SLC24A2: variants seen among roughly 807,000 people sequenced by gnomAD.
SLC24A2 encodes solute carrier family 24 member 2.
Under a neutral mutation model 62.0 loss-of-function variants are expected in SLC24A2, and 36 were observed. The observed-to-expected ratio is 0.58, with a 90% CI of 0.44 to 0.77. The LOEUF (loss-of-function observed/expected upper bound fraction) is 0.77. Ranked by LOEUF, SLC24A2 falls within the 30% of genes least tolerant of loss-of-function variation. The probability of loss-of-function intolerance (pLI) is 0.00; values close to 1 mark genes in which losing one functional copy is unlikely to be tolerated. For missense variants in SLC24A2, 846 were observed against 817.9 expected (o/e 1.03, Z -0.42); for synonymous variants, 358 against 294.0 (o/e 1.22, Z -2.23).
At chr9:19,682,545 T>C (rs1819753127) in intron 2 of SLC24A2, among the ~76,000 whole-genome samples, 1 of 152,054 alleles carries the variant, frequency 6.6e-6, no homozygotes, top group African/African-American at 2.4e-5. Flanking sequence ...TCTGTGGCCA[T>C]GGTATGCAGA....
At chr9:19,760,905 G>A (rs1822301945) in intron 2 of SLC24A2, among the ~76,000 whole-genome samples, 2 of 148,974 alleles carry the variant, frequency 1.3e-5, no homozygotes, top group Non-Finnish European at 3.0e-5. Flanking sequence ...ACACACCAGG[G>A]CCTGTTGCCG....
At chr9:20,208,791 G>A in the SLC24A2 span, among the ~76,000 whole-genome samples, 8 of 152,176 alleles carry the variant, frequency 5.3e-5, no homozygotes, top group East Asian at 1.9e-4. Context: ...GGGAAAACCC[G>A]TTCTGGAGCT....
At chr9:20,178,402 G>C in the SLC24A2 span, among the ~76,000 whole-genome samples, 3 of 152,146 alleles carry the variant, frequency 2.0e-5, no homozygotes, top group Non-Finnish European at 4.4e-5. Context: ...GGCAGCTGAA[G>C]GGTACACTGT....
chr9:19,904,749 A>AT, the SLC24A2 span, among the ~76,000 whole-genome samples: 8 of 152,142 alleles, frequency 5.3e-5, no homozygotes, highest in South Asian at 6.2e-4. Flanking sequence ...GGGCATTTAC[A>AT]TTTTTTGACT....
At chr9:19,715,974 C>T (rs1820848946) in intron 2 of SLC24A2, among the ~76,000 whole-genome samples, 2 of 152,018 alleles carry the variant, frequency 1.3e-5, no homozygotes, top group African/African-American at 4.8e-5. Context: ...AAAGAGGTAC[C>T]CCCATTCAGC....
intron 2 of SLC24A2, among the ~76,000 whole-genome samples, chr9:19,636,409 T>C (rs28753834): frequency 0.11 from 4,388 of 39,546 alleles, 683 homozygotes; most frequent in African/African-American, 0.15. Context: ...CTCTCTCTCT[T>C]TCTTTCTTTC....
intron 2 of SLC24A2, among the ~76,000 whole-genome samples, chr9:19,729,903 T>G (rs1211091977): frequency 6.6e-6 from 1 of 152,132 alleles, no homozygotes; most frequent in African/African-American, 2.4e-5. Context: ...AATACATGTT[T>G]GAGATGATGG....
chr9:19,611,319 G>A (rs573016959), intron 4 of SLC24A2, among the ~76,000 whole-genome samples: 48 of 151,486 alleles, frequency 3.2e-4, no homozygotes, highest in African/African-American at 1.1e-3. Flanking sequence ...AGGAAGGAGG[G>A]GAGACGAGGG....
intron 8 of SLC24A2, among the ~76,000 whole-genome samples, chr9:19,549,349 T>G (rs546236557): frequency 6.6e-6 from 1 of 152,180 alleles, no homozygotes; most frequent in African/African-American, 2.4e-5. Context: ...TATATGACAC[T>G]GACGTATTCT....
At chr9:20,143,424 A>G in the SLC24A2 span, among the ~76,000 whole-genome samples, 1 of 152,240 alleles carries the variant, frequency 6.6e-6, no homozygotes, top group Non-Finnish European at 1.5e-5. Context: ...GGAAAAAAAT[A>G]GACTGTTTTT....
At chr9:20,299,809 G>C in the SLC24A2 span, among the ~76,000 whole-genome samples, 1 of 152,218 alleles carries the variant, frequency 6.6e-6, no homozygotes, top group African/African-American at 2.4e-5. Flanking sequence ...ATATCCATAA[G>C]TGGCAGAGCC....
At chr9:19,731,589 T>G (rs1185507363) in intron 2 of SLC24A2, among the ~76,000 whole-genome samples, 1 of 151,908 alleles carries the variant, frequency 6.6e-6, no homozygotes, top group African/African-American at 2.4e-5. Flanking sequence ...CAGCAAGAAG[T>G]TGAACATCTA....
chr9:19,740,217 C>A (rs1304703237), intron 2 of SLC24A2, among the ~76,000 whole-genome samples: 1 of 152,080 alleles, frequency 6.6e-6, no homozygotes, highest in African/African-American at 2.4e-5. Flanking sequence ...CCCAGCAATT[C>A]CATTCATGGT....
At chr9:19,626,499 A>C (rs956601594) in intron 2 of SLC24A2, among the ~76,000 whole-genome samples, 9 of 152,222 alleles carry the variant, frequency 5.9e-5, no homozygotes, top group Non-Finnish European at 1.0e-4. Context: ...AACAGCTATA[A>C]ACTTCCACCA....
At chr9:20,105,641 T>C in the SLC24A2 span, among the ~76,000 whole-genome samples, 1 of 152,084 alleles carries the variant, frequency 6.6e-6, no homozygotes, top group Non-Finnish European at 1.5e-5. Context: ...AGATGTTCTT[T>C]GAAACCAATG....
rs72614255 is a variant in SLC24A2, at chr9:19,584,338, C to T, written c.1130-7316G>A. Among the ~76,000 whole-genome samples, 1,219 of 151,374 alleles carry T rather than the reference C, an allele frequency of 8.1e-3. 4 individuals are homozygous for T. Among genetic ancestry groups the T allele is most frequent in the East Asian group, 0.022 (115 of 5,158 alleles). ...AACAAACAAACAAAAAACAAAAAAC[C>T]GTGCTATGTACTGGGCTGTATTTGG... On this transcript the variant is annotated intron_variant, in intron 5 of 10. Coordinates refer to ENST00000341998, the MANE Select transcript of SLC24A2 (RefSeq NM_020344.4).
At chr9:20,086,018 T>C in the SLC24A2 span, among the ~76,000 whole-genome samples, 119 of 152,282 alleles carry the variant, frequency 7.8e-4, 3 homozygotes, top group East Asian at 0.022. Flanking sequence ...TCCCTGCAAA[T>C]TGCACACTGC....
the SLC24A2 span, among the ~76,000 whole-genome samples, chr9:19,949,608 C>T: frequency 6.6e-6 from 1 of 152,180 alleles, no homozygotes; most frequent in Non-Finnish European, 1.5e-5. Context: ...CATTTCCCAG[C>T]CTTCCTTGCA....
At chr9:20,163,158 G>T in the SLC24A2 span, among the ~76,000 whole-genome samples, 1 of 152,038 alleles carries the variant, frequency 6.6e-6, no homozygotes, top group African/African-American at 2.4e-5. Context: ...AGGAAACAAA[G>T]GGTATTCAAC....
Sources: gnomAD v4.1 joint callset for allele counts (sites outside exome capture counted in the v4.1 genomes callset) on GRCh38, gnomAD v4.1.1 for gene constraint, MANE v1.5 for transcripts, NCBI Gene and HGNC (gene_info 2026-07-23, HGNC 2026-07-21) for gene names.